CNTRL: variants seen among roughly 807,000 people sequenced by gnomAD.
CNTRL encodes 110 kDa centrosomal protein.
CNTRL carries 233 observed loss-of-function variants against 303.7 expected under a neutral mutation model. That is an observed-to-expected ratio of 0.77 (90% CI 0.69 to 0.86). The LOEUF (loss-of-function observed/expected upper bound fraction) is 0.86, where lower values mean the gene tolerates loss of function less well. Ranked by LOEUF, CNTRL falls within the 40% of genes least tolerant of loss-of-function variation. The probability of loss-of-function intolerance (pLI) is 0.00; values close to 1 mark genes in which losing one functional copy is unlikely to be tolerated. For missense variants in CNTRL, 2,524 were observed against 2,650.6 expected, an observed-to-expected ratio of 0.95 and a Z score of 1.05; for synonymous variants, 900 against 922.2, an observed-to-expected ratio of 0.98 and a Z score of 0.44.
chr9:121,083,310 A>G (rs1056973975), intron 2 of CNTRL, among the ~76,000 whole-genome samples: 3 of 152,200 alleles, frequency 2.0e-5, no homozygotes, highest in African/African-American at 7.2e-5. Context: ...AAACAAACAC[A>G]TTGTACAGTT....
chr9:121,095,104 ATGATT>A (rs745855270), intron 5 of CNTRL, 86 bp downstream of exon 5: 149 of 993,758 alleles, frequency 1.5e-4, no homozygotes, highest in Non-Finnish European at 2.1e-4. Flanking sequence ...TACTGAAAGA[ATGATT>A]TGACAGAAAC....
intron 26 of CNTRL, among the ~76,000 whole-genome samples, chr9:121,153,699 C>A (rs2052409924): frequency 6.6e-6 from 1 of 152,192 alleles, no homozygotes; most frequent in South Asian, 2.1e-4. Context: ...TATGCAAAAG[C>A]CTATCTTTTG....
intron 32 of CNTRL, 72 bp downstream of exon 32, chr9:121,160,374 T>C (rs2052789367): frequency 8.6e-7 from 1 of 1,167,434 alleles, no homozygotes; most frequent in Non-Finnish European, 1.1e-6. Flanking sequence ...ACAGAAAAAA[T>C]AACAAATGGC....
intron 15 of CNTRL, 112 bp from the exon 16 acceptor site, chr9:121,138,433 T>C (rs2051314836): frequency 8.8e-7 from 1 of 1,130,664 alleles, no homozygotes; most frequent in Non-Finnish European, 1.2e-6. Flanking sequence ...AATTGAGTTG[T>C]AAAACTATAG....
rs749224165 is a variant in CNTRL, at chr9:121,154,689, AT to A, written c.4173-26del. The A allele has an allele frequency of 1.9e-4, 262 of 1,369,616 alleles. 3 individuals are homozygous for A. The South Asian group carries it at 2.9e-3, about 15-fold the overall frequency. The allele number at this position is 1,369,616 out of a possible 1,614,324, so 84.8% of individuals were successfully genotyped here. A position where few individuals can be genotyped will look rare whatever the true frequency, so the allele number is the denominator to read the frequency against. On this transcript the variant is annotated intron_variant, in intron 26 of 43. Coordinates refer to ENST00000373855, the MANE Select transcript of CNTRL (RefSeq NM_007018.6). ...AGTATCTGTATTGTCTACATTTAAC[AT>A]TTTTTAATGGGTGTATATATTATTT... is the stretch of plus-strand genomic sequence containing the variant.
At chr9:121,081,533 A>G (rs1341574159) in intron 2 of CNTRL, among the ~76,000 whole-genome samples, 2 of 152,206 alleles carry the variant, frequency 1.3e-5, no homozygotes, top group African/African-American at 4.8e-5. Context: ...CCACCAAGCT[A>G]TAAATTGGGA....
At chr9:121,141,031 G>A (rs997062376) in intron 17 of CNTRL, among the ~76,000 whole-genome samples, 9 of 152,130 alleles carry the variant, frequency 5.9e-5, no homozygotes, top group African/African-American at 1.9e-4. Context: ...GTATTTAAGA[G>A]TTATTGTTTC....
chr9:121,077,397 A>G (rs555025600), intron 1 of CNTRL, among the ~76,000 whole-genome samples: 1 of 151,678 alleles, frequency 6.6e-6, no homozygotes, highest in East Asian at 1.9e-4. Flanking sequence ...AGCATTTACC[A>G]CCTCCAGGCA....
chr9:121,141,788 T>C (rs899206535), intron 18 of CNTRL, among the ~76,000 whole-genome samples, 200 bp downstream of exon 18: 1 of 152,242 alleles, frequency 6.6e-6, no homozygotes. Context: ...TGTGACATTG[T>C]GTTTTCCTTG....
At chr9:121,116,628 T>C (rs549627808) in intron 11 of CNTRL, among the ~76,000 whole-genome samples, 3 of 152,346 alleles carry the variant, frequency 2.0e-5, no homozygotes, top group Non-Finnish European at 2.9e-5. Context: ...TTATTTTGCA[T>C]GCAATGGGAA....
chr9:121,128,291 T>A (rs1465094337), intron 14 of CNTRL, among the ~76,000 whole-genome samples: 1 of 152,186 alleles, frequency 6.6e-6, no homozygotes, highest in Non-Finnish European at 1.5e-5. Flanking sequence ...TTTCTCCACA[T>A]CCTCTCCAGC....
At chr9:121,167,769 C>G in intron 37 of CNTRL, 92 bp downstream of exon 37, 6 of 1,116,748 alleles carry the variant, frequency 5.4e-6, no homozygotes, top group Non-Finnish European at 7.8e-6. Flanking sequence ...GAGAAATATC[C>G]CCAATGGGAC....
chr9:121,150,775 T>G, intron 25 of CNTRL: 2 of 337,184 alleles, frequency 5.9e-6, no homozygotes, highest in Non-Finnish European at 1.1e-5. Flanking sequence ...AAAACAAAAA[T>G]ACCATGTACA....
At chr9:121,177,058 T>C (rs1055808046) in intron 43 of CNTRL, 105 bp from the exon 44 acceptor site, 1 of 857,358 alleles carries the variant, frequency 1.2e-6, no homozygotes, top group African/African-American at 1.7e-5. Context: ...TCCAAAGAGG[T>C]ACTCAAATAT....
Position 121,161,844 on chromosome 9 carries a change from T to C in CNTRL, c.5090-12T>C, listed in dbSNP as rs985014607. 25 of 1,586,022 alleles carry C rather than the reference T, an allele frequency of 1.6e-5. No individual in the cohort carries two copies. Among genetic ancestry groups the C allele is most frequent in the Non-Finnish European group, 2.1e-5 (24 of 1,155,978 alleles). On this transcript the variant is annotated splice_polypyrimidine_tract_variant and intron_variant, in intron 32 of 43. Transcript: ENST00000373855. ...TTAATATCATGGACCATGCTTTGTT[T>C]CTATCCCTTAGAACTAAAGAATATT...
At chr9:121,148,531 T>C (rs932795977) in intron 23 of CNTRL, 141 bp from the exon 24 acceptor site, 4 of 704,934 alleles carry the variant, frequency 5.7e-6, no homozygotes, top group African/African-American at 1.8e-5. Context: ...ACCTCACTTC[T>C]GTGAAAAATA....
At chr9:121,171,584 G>C in intron 40 of CNTRL, 36 bp downstream of exon 40, 2 of 1,602,646 alleles carry the variant, frequency 1.2e-6, no homozygotes, top group Non-Finnish European at 1.7e-6. Flanking sequence ...CCAGCCTGGG[G>C]AGAGAGGACT....
chr9:121,140,626 C>T lies in CNTRL; in HGVS notation c.2338-15C>T. ...GGCATGTAATAGATAATCCCTATTTCATCCCCCTCCATAGGATGACAATAA... is the reference window on the plus strand; with the variant it reads ...GGCATGTAATAGATAATCCCTATTTTATCCCCCTCCATAGGATGACAATAA... On this transcript the variant is annotated splice_polypyrimidine_tract_variant and intron_variant, in intron 16 of 43. Coordinates refer to ENST00000373855, the MANE Select transcript of CNTRL (RefSeq NM_007018.6). 1 of 1,595,958 alleles carries T rather than the reference C, an allele frequency of 6.3e-7. No individual in the cohort carries two copies. Among genetic ancestry groups the T allele is most frequent in the African/African-American group, 1.3e-5 (1 of 74,590 alleles).
chr9:121,129,152 A>C (rs1377275947), intron 14 of CNTRL, among the ~76,000 whole-genome samples: 2 of 152,290 alleles, frequency 1.3e-5, no homozygotes, highest in East Asian at 3.9e-4. Flanking sequence ...ATGAACTTTA[A>C]AGTAGTTTTT....
Sources: gnomAD v4.1 joint callset for allele counts (sites outside exome capture counted in the v4.1 genomes callset) on GRCh38, gnomAD v4.1.1 for gene constraint, MANE v1.5 for transcripts, NCBI Gene and HGNC (gene_info 2026-07-23, HGNC 2026-07-21) for gene names.